The following STK11IP variants were observed in gnomAD, a reference collection of about 807,000 sequenced individuals.
STK11IP encodes serine/threonine-protein kinase 11-interacting protein.
Under a neutral mutation model 131.7 loss-of-function variants are expected in STK11IP, and 103 were observed. The observed-to-expected ratio is 0.78, with a 90% CI of 0.67 to 0.92. STK11IP has a LOEUF of 0.92. Among genes scored for constraint, STK11IP ranks in the 40% least tolerant of loss-of-function variants. STK11IP has a pLI of 0.00. For missense variants in STK11IP, 1,315 were observed against 1,385.7 expected (o/e 0.95, Z 0.81); for synonymous variants, 557 against 575.6 (o/e 0.97, Z 0.46).
chr2:219,600,513 C>T (rs1392555892), intron 2 of STK11IP, among the ~76,000 whole-genome samples: 3 of 152,166 alleles, frequency 2.0e-5, no homozygotes, highest in Admixed American at 2.0e-4. Context: ...TCTTTGACTC[C>T]ATACTTATTA....
At chr2:219,606,569 C>T (rs986420038) in intron 11 of STK11IP, 52 bp downstream of exon 11, 51 of 1,610,188 alleles carry the variant, frequency 3.2e-5, no homozygotes, top group East Asian at 2.7e-4. Context: ...GAAGGGAGGG[C>T]GCTGGGGAGA....
intron 24 of STK11IP, 125 bp downstream of exon 24, chr2:219,615,466 G>C (rs186089403): frequency 7.6e-7 from 1 of 1,309,746 alleles, no homozygotes; most frequent in Admixed American, 2.5e-5. Context: ...GGCACTTACA[G>C]ATGAGAGAAC....
In STK11IP at chr2:219,602,546, A is replaced by G. The variant is rs1335769418; in HGVS notation, c.517A>G (p.Asn173Asp). The change falls in exon 6 of 25, where the codon AAT (asparagine) becomes GAT (aspartate). Residue 173 changes from asparagine (N) to aspartate (D), a missense_variant. By Grantham distance (23) the Asn-to-Asp change is conservative. Transcript: ENST00000456909. ...TCTGCTTTCTGCCAACTTCAGCTACAATGCACTGACCGCCTTAGACAGCTC... is the reference window on the plus strand; with the variant it reads ...TCTGCTTTCTGCCAACTTCAGCTACGATGCACTGACCGCCTTAGACAGCTC... ...LALLSANFSY[N>D]ALTALDSSLR... 4.3e-6 allele frequency: 7 copies of G among 1,613,900 alleles called. No homozygotes were observed. The highest frequency in any genetic ancestry group is 5.1e-6 in the Non-Finnish European group (6 of 1,179,908).
intron 23 of STK11IP, 76 bp downstream of exon 23, chr2:219,614,622 A>G (rs777946324): frequency 7.0e-7 from 1 of 1,428,766 alleles, no homozygotes. Flanking sequence ...CACGCGCAGC[A>G]CCTGTACAGT....
rs780334531 is a variant in STK11IP at position 219,608,001 on chromosome 2, C to G, written c.1220-46C>G. ...GCACCGTTGAAGGATTTGGGGCCAT[C>G]TGTGTGGGGCAGGCTTGCTCAGTTC... On this transcript the variant is annotated intron_variant, in intron 13 of 24. Coordinates refer to ENST00000456909, the MANE Select transcript of STK11IP (RefSeq NM_052902.4). The G allele has an allele frequency of 2.5e-6, 4 of 1,576,420 alleles. No homozygotes were observed. The South Asian group carries it at 4.6e-5, about 18-fold the overall frequency.
chr2:219,607,903 C>A (rs139487871), intron 13 of STK11IP, 144 bp from the exon 14 acceptor site: 3 of 1,070,608 alleles, frequency 2.8e-6, no homozygotes, highest in Non-Finnish European at 3.9e-6. Flanking sequence ...TAGTACATGC[C>A]GCGGAGGGGA....
chr2:219,609,160 C>T lies in STK11IP; in HGVS notation c.1873C>T (p.Arg625Trp), dbSNP rs150279473. The change falls in exon 16 of 25, where the codon CGG becomes TGG. Residue 625 changes from arginine to tryptophan, a missense_variant. Coordinates refer to ENST00000456909, the MANE Select transcript of STK11IP (RefSeq NM_052902.4). ...SLRFSYICPD[R>W]QLRRYLVLEP... Reference sequence around the variant, plus strand: ...GCGCTTCTCCTACATCTGCCCTGACCGGCAGTTGCGTCGCTATTTGGTGCT... The same window carrying T: ...GCGCTTCTCCTACATCTGCCCTGACTGGCAGTTGCGTCGCTATTTGGTGCT... The T allele has an allele frequency of 7.7e-4, 1,237 of 1,610,520 alleles. 10 individuals carry two copies. Among genetic ancestry groups the T allele is most frequent in the East Asian group, 7.1e-3 (316 of 44,782 alleles).
At chr2:219,597,991 T>A in intron 1 of STK11IP, 68 bp downstream of exon 1, 1 of 1,597,014 alleles carries the variant, frequency 6.3e-7, no homozygotes, top group Non-Finnish European at 8.5e-7. Flanking sequence ...CTCTTTTCTT[T>A]CTCGCCTTTT....
At position 219,606,251 on chromosome 2, in the gene STK11IP, C is replaced by G. The variant is rs778925023; in HGVS notation, c.906C>G (p.Ala302=). ...ACCCTGAGCACCGAGCAGCCACTGC[C>G]CAGTACTTGTCACCCCGGGCCAGGG... is the stretch of plus-strand genomic sequence containing the variant. ...WFHPEHRAAT[A]QYLSPRARDA... The change falls in exon 10 of 25, where the codon GCC becomes GCG. Residue 302 remains alanine, a synonymous_variant. Coordinates refer to ENST00000456909, the MANE Select transcript of STK11IP (RefSeq NM_052902.4). 6.4e-7 allele frequency: 1 copy of G among 1,573,272 alleles called. No individual in the cohort carries two copies. Among genetic ancestry groups the G allele is most frequent in the Non-Finnish European group, 8.6e-7 (1 of 1,159,130 alleles).
rs1447327373 is a variant in STK11IP at position 219,613,760 on chromosome 2, C to T, written c.2546C>T (p.Pro849Leu). Residue 849 changes from proline to leucine, a missense_variant, in exon 21 of 25, where the codon CCA becomes CTA. By Grantham distance (98) the Pro-to-Leu change is moderately conservative (BLOSUM62 -3). Transcript: ENST00000456909. ...GTCCCCTCTCTCCACAGTGAGCCTC[C>T]AGCTAGCTGGCTGCAGCTGACCCTG... is the stretch of plus-strand genomic sequence containing the variant. ...LKVTGEMREP[P>L]ASWLQLTLAV... 1 of 1,612,380 alleles carries T rather than the reference C, an allele frequency of 6.2e-7. No individual in the cohort carries two copies. Among genetic ancestry groups the T allele is most frequent in the Non-Finnish European group, 8.5e-7 (1 of 1,179,628 alleles).
At chr2:219,607,266 A>C in intron 13 of STK11IP, 129 bp downstream of exon 13, 1 of 883,988 alleles carries the variant, frequency 1.1e-6, no homozygotes, top group Non-Finnish European at 1.7e-6. Context: ...AGGGCTTCTT[A>C]GTCTTTTTTC....
rs1266952034 is a variant in STK11IP at position 219,613,135 on chromosome 2, T to C, written c.2447T>C (p.Val816Ala). ...EEFQCCLKVP[V>A]ALAGHTGEFM... is the part of the protein sequence containing the mutation. ...AACTTCCTCTTCCCCCAGGTGCCAG[T>C]GGCATTGGCAGGCCACACTGGGGAG... The change falls in exon 20 of 25, where the codon GTG becomes GCG. Residue 816 changes from valine to alanine, a missense_variant. By Grantham distance (64) the Val-to-Ala change is moderately conservative. Transcript: ENST00000456909. 6.2e-7 allele frequency: 1 copy of C among 1,610,978 alleles called. No individual in the cohort carries two copies. Among genetic ancestry groups the C allele is most frequent in the African/African-American group, 1.3e-5 (1 of 74,848 alleles).
At chr2:219,602,395 G>A (rs1216577505) in intron 5 of STK11IP, 73 bp from the exon 6 acceptor site, 3 of 1,113,248 alleles carry the variant, frequency 2.7e-6, no homozygotes, top group Non-Finnish European at 4.0e-6. Flanking sequence ...TGAGTGACTG[G>A]GTGGTAGAGC....
rs1245272930 is a variant in STK11IP, at chr2:219,612,033, A to T, written c.2414A>T (p.Gln805Leu). Residue 805 changes from glutamine (Q) to leucine (L), a missense_variant, in exon 19 of 25, where the codon CAG becomes CTG. Transcript: ENST00000456909. ...GATGTTGAGGTGTTCAGCGATGCCCAGGAGGAGTTCCAGTGCTGCCTCAAG... is the reference window on the plus strand; with the variant it reads ...GATGTTGAGGTGTTCAGCGATGCCCTGGAGGAGTTCCAGTGCTGCCTCAAG... The part of the protein sequence containing the change: ...FLDVEVFSDA[Q>L]EEFQCCLKVP... 3 of 1,604,532 alleles carry T rather than the reference A, an allele frequency of 1.9e-6. No homozygotes were observed. The highest frequency in any genetic ancestry group is 2.2e-5 in the South Asian group (2 of 88,966).
rs201687374 is a variant in STK11IP at position 219,613,933 on chromosome 2, G to A, written c.2716+3G>A. ...GGCCTTCCTAGAGGAGCTCCTTGGT[G>A]AGAGAGGGGAGGGGAAGGCAGGAGG... On this transcript the variant is annotated splice_donor_region_variant and intron_variant, in intron 21 of 24. Transcript: ENST00000456909. 8.4e-3 allele frequency: 12,231 copies of A among 1,453,630 alleles called. 73 individuals carry two copies. Among genetic ancestry groups the A allele is most frequent in the Middle Eastern group, 0.03 (163 of 5,412 alleles). The allele number at this position is 1,453,630 out of a possible 1,614,324, so 90.0% of individuals were successfully genotyped here.
chr2:219,606,831 G>A lies in STK11IP; in HGVS notation c.1107G>A (p.Val369=). Residue 369 remains valine (V), a synonymous_variant, in exon 12 of 25, where the codon GTG becomes GTA. Coordinates refer to ENST00000456909, the MANE Select transcript of STK11IP (RefSeq NM_052902.4). ...LSDSLSSGGV[V]TQPLLHKVKS... ...ACAGCCTCTCCTCAGGGGGTGTTGT[G>A]ACCCAGCCCCTGCTTCATAAGGTTA... 11 of 1,612,934 alleles carry A rather than the reference G, an allele frequency of 6.8e-6. No homozygotes were observed. Among genetic ancestry groups the A allele is most frequent in the Non-Finnish European group, 8.5e-6 (10 of 1,179,424 alleles).
At chr2:219,598,015 C>A (rs1574607742) in intron 1 of STK11IP, 79 bp from the exon 2 acceptor site, 1 of 1,575,936 alleles carries the variant, frequency 6.3e-7, no homozygotes, top group South Asian at 1.2e-5. Flanking sequence ...CCGCATGACG[C>A]CTCGGTTTGC....
At position 219,607,981 on chromosome 2, in the gene STK11IP, G is replaced by T. The variant is rs564271667; in HGVS notation, c.1220-66G>T. 6 of 1,558,202 alleles carry T rather than the reference G, an allele frequency of 3.9e-6. No individual in the cohort carries two copies. The Admixed American group carries it at 9.0e-5, about 23-fold the overall frequency. ...CGCCCCCTCATCGCTGAGGAGCACC[G>T]TTGAAGGATTTGGGGCCATCTGTGT... On this transcript the variant is annotated intron_variant, in intron 13 of 24. Coordinates refer to ENST00000456909, the MANE Select transcript of STK11IP (RefSeq NM_052902.4).
chr2:219,601,783 G>T (rs1050497349), intron 4 of STK11IP, 68 bp downstream of exon 4: 15 of 1,526,618 alleles, frequency 9.8e-6, no homozygotes, highest in Non-Finnish European at 1.2e-5. Context: ...GGATGGGAAA[G>T]AGAAGAGCCT....
Sources: allele counts gnomAD v4.1 joint callset (sites outside exome capture counted in the v4.1 genomes callset), GRCh38; gene constraint gnomAD v4.1.1; transcripts MANE v1.5; gene names NCBI Gene and HGNC (gene_info 2026-07-23, HGNC 2026-07-21).